Variants in SNX24 observed in about 807,000 individuals in gnomAD.
SNX24 encodes the protein sorting nexin-24.
In SNX24, 22 loss-of-function variants were observed where a neutral mutation model predicts 28.7. The ratio of observed to expected loss-of-function variants is 0.77; its 90% CI spans 0.55 to 1.10. The LOEUF (loss-of-function observed/expected upper bound fraction) is 1.10, where lower values mean the gene tolerates loss of function less well. SNX24 is among the 50% of genes least tolerant of loss of function. The probability of loss-of-function intolerance (pLI) is 0.00; values close to 1 mark genes in which losing one functional copy is unlikely to be tolerated. For synonymous variants in SNX24, 69 were observed against 71.5 expected (o/e 0.96, Z 0.18); for missense variants, 221 against 201.1 (o/e 1.10, Z -0.60).
At chr5:122,913,286 G>T in intron 1 of SNX24, among the ~76,000 whole-genome samples, 1 of 152,124 alleles carries the variant, frequency 6.6e-6, no homozygotes, top group South Asian at 2.1e-4. Context: ...CCCAGTAGGG[G>T]CGGCCGGGCA....
At chr5:122,913,807 C>T (rs1238643124) in intron 1 of SNX24, among the ~76,000 whole-genome samples, 1 of 152,178 alleles carries the variant, frequency 6.6e-6, no homozygotes, top group African/African-American at 2.4e-5. Context: ...CACTGCACTC[C>T]AACCTGGGCA....
chr5:123,003,549 T>A (rs532498687), intron 6 of SNX24, among the ~76,000 whole-genome samples: 2 of 152,348 alleles, frequency 1.3e-5, no homozygotes, highest in South Asian at 2.1e-4. Flanking sequence ...TGCATCTGAC[T>A]GAAATTCCTG....
At chr5:122,946,470 A>AT (rs560265821) in intron 3 of SNX24, among the ~76,000 whole-genome samples, 38 of 151,372 alleles carry the variant, frequency 2.5e-4, no homozygotes, top group African/African-American at 8.0e-4. Context: ...TTCCTTCAAG[A>AT]TTTTTTTTTG....
rs2150176961 is a variant in SNX24, at chr5:123,002,213, C to A, written c.442+209C>A. 3 of 580,176 alleles carry A rather than the reference C, an allele frequency of 5.2e-6. No homozygotes were observed. In the South Asian group the frequency reaches 6.8e-5, roughly 13 times the overall value. The allele number at this position is 580,176 out of a possible 1,614,324, so 35.9% of individuals were successfully genotyped here. On this transcript the variant is annotated intron_variant, in intron 6 of 6. Coordinates refer to ENST00000261369, the MANE Select transcript of SNX24 (RefSeq NM_014035.4). ...AATGTAATTTTTCTTTCTCTCTTAC[C>A]AGACTATTTTGAATTAGAGTAATAA...
chr5:122,867,027 C>A (rs1581685942), intron 1 of SNX24, among the ~76,000 whole-genome samples: 1 of 152,108 alleles, frequency 6.6e-6, no homozygotes. Context: ...GATTCCTGGA[C>A]CTATCAATCC....
At chr5:122,913,512 G>A (rs1347655743) in intron 1 of SNX24, among the ~76,000 whole-genome samples, 1 of 152,164 alleles carries the variant, frequency 6.6e-6, no homozygotes, top group Non-Finnish European at 1.5e-5. Flanking sequence ...AGACGTGGTG[G>A]CTGCCTGGCG....
At chr5:123,025,773 T>C (rs1762842029) in intron 5 of SNX24, 9 of 1,608,694 alleles carry the variant, frequency 5.6e-6, no homozygotes, top group Non-Finnish European at 7.6e-6. Flanking sequence ...GAAAAAAATG[T>C]ATCAATTTAC....
downstream of SNX24, among the ~76,000 whole-genome samples, chr5:123,009,867 T>C (rs1762533785): frequency 6.6e-6 from 1 of 152,230 alleles, no homozygotes; most frequent in Admixed American, 6.5e-5. Flanking sequence ...CAGCCTGTGC[T>C]GTAAGCAGGA....
chr5:122,852,815 A>C (rs1754983740), intron 1 of SNX24, among the ~76,000 whole-genome samples: 1 of 152,138 alleles, frequency 6.6e-6, no homozygotes, highest in Non-Finnish European at 1.5e-5. Flanking sequence ...CAAGGAGGGT[A>C]GGTTAACCAG....
chr5:122,867,806 G>A (rs1200159459), intron 1 of SNX24, among the ~76,000 whole-genome samples: 1 of 152,192 alleles, frequency 6.6e-6, no homozygotes, highest in Non-Finnish European at 1.5e-5. Flanking sequence ...ACTGTTTAGA[G>A]AGGTCTTCCA....
At chr5:122,869,137 A>G (rs1382707264) in intron 1 of SNX24, among the ~76,000 whole-genome samples, 1 of 152,220 alleles carries the variant, frequency 6.6e-6, no homozygotes, top group Non-Finnish European at 1.5e-5. Context: ...CTTGTTTATT[A>G]TCGGTGAACA....
At chr5:122,950,496 C>T (rs1349194252) in intron 3 of SNX24, among the ~76,000 whole-genome samples, 1 of 152,154 alleles carries the variant, frequency 6.6e-6, no homozygotes, top group African/African-American at 2.4e-5. Context: ...CATCTGGCCC[C>T]CATAGTGGTA....
intron 3 of SNX24, among the ~76,000 whole-genome samples, chr5:122,951,210 T>C (rs1274611528): frequency 1.4e-5 from 2 of 138,034 alleles, no homozygotes; most frequent in Non-Finnish European, 1.5e-5. Flanking sequence ...GAAGTTGCAG[T>C]GAGCTGAGAT....
intron 1 of SNX24, among the ~76,000 whole-genome samples, chr5:122,876,032 A>G (rs936909394): frequency 4.6e-5 from 7 of 152,144 alleles, no homozygotes; most frequent in African/African-American, 1.7e-4. Flanking sequence ...TTTAGTAGAG[A>G]CGGGGTTTTG....
chr5:122,846,544 A>G (rs1049554977), intron 1 of SNX24, among the ~76,000 whole-genome samples: 2 of 152,242 alleles, frequency 1.3e-5, no homozygotes, highest in African/African-American at 4.8e-5. Context: ...TTTTATTTAC[A>G]TCAATCACAC....
chr5:122,976,782 G>A (rs779697722), intron 3 of SNX24, among the ~76,000 whole-genome samples: 19 of 152,228 alleles, frequency 1.2e-4, no homozygotes, highest in Non-Finnish European at 2.1e-4. Context: ...CCTAGAGTGC[G>A]TAAAACGCAG....
At chr5:123,027,885 A>G (rs1484163001) in intron 5 of SNX24, among the ~76,000 whole-genome samples, 1 of 152,244 alleles carries the variant, frequency 6.6e-6, no homozygotes, top group Non-Finnish European at 1.5e-5. Context: ...AAGAGAAAAC[A>G]GTGTATGGAG....
chr5:123,008,025 G>T lies in SNX24; in HGVS notation c.*276G>T. On this transcript the variant is annotated 3_prime_UTR_variant, in exon 7 of 7. Transcript: ENST00000261369. ...AACCCATGAAAAGGAGGCCACAGGA[G>T]ATTCCTGGGAGCACTGGGTGTAGCA... 8.9e-7 allele frequency: 1 copy of T among 1,120,076 alleles called. No individual in the cohort carries two copies. The highest frequency in any genetic ancestry group is 1.1e-6 in the Non-Finnish European group (1 of 915,272). The allele number at this position is 1,120,076 out of a possible 1,614,324, so 69.4% of individuals were successfully genotyped here. A position where few individuals can be genotyped will look rare whatever the true frequency, so the allele number is the denominator to read the frequency against.
intron 5 of SNX24, among the ~76,000 whole-genome samples, chr5:123,018,239 C>T (rs543565778): frequency 6.4e-4 from 97 of 152,122 alleles, no homozygotes; most frequent in Middle Eastern, 6.8e-3. Flanking sequence ...CAAGCAGACA[C>T]GGTTAAATCA....
Sources: gnomAD v4.1 joint callset for allele counts (sites outside exome capture counted in the v4.1 genomes callset) on GRCh38, gnomAD v4.1.1 for gene constraint, MANE v1.5 for transcripts, NCBI Gene and HGNC (gene_info 2026-07-23, HGNC 2026-07-21) for gene names.